Variants in MID1 observed in about 807,000 individuals in gnomAD.
MID1 encodes the protein E3 ubiquitin-protein ligase Midline-1.
Under a neutral mutation model 40.4 loss-of-function variants are expected in MID1, and 7 were observed. The observed-to-expected ratio is 0.17, with a 90% confidence interval of 0.10 to 0.33. The LOEUF (loss-of-function observed/expected upper bound fraction) is 0.33. MID1 is among the 10% of genes least tolerant of loss of function. The probability of loss-of-function intolerance (pLI) is 1.00; values close to 1 mark genes in which losing one functional copy is unlikely to be tolerated. For synonymous variants in MID1, 229 were observed against 221.2 expected (o/e 1.04, Z -0.31); for missense variants, 367 against 558.5 (o/e 0.66, Z 3.46).
intron 4 of MID1, among the ~76,000 whole-genome samples, chrX:10,491,542 C>T (rs1264866235): frequency 9.0e-6 from 1 of 110,917 alleles, no homozygotes; most frequent in East Asian, 2.8e-4. Flanking sequence ...AGCTACCATG[C>T]CCAGCCTCTT....
intron 1 of MID1, among the ~76,000 whole-genome samples, chrX:10,584,044 G>T (rs1245722029): frequency 9.3e-6 from 1 of 107,649 alleles, no homozygotes; most frequent in African/African-American, 3.4e-5. Flanking sequence ...AAAAAAAAAA[G>T]AAGAACAGAG....
At chrX:10,817,517 T>C (rs1853708302) in intron 1 of MID1, among the ~76,000 whole-genome samples, 1 of 36,493 alleles carries the variant, frequency 2.7e-5, no homozygotes, top group Non-Finnish European at 5.6e-5. Context: ...TTTTTTTCTC[T>C]TTCTTTCTTT....
intron 1 of MID1, among the ~76,000 whole-genome samples, chrX:10,599,653 T>TA (rs1935480234): frequency 8.9e-6 from 1 of 112,393 alleles, no homozygotes; most frequent in Admixed American, 9.4e-5. Context: ...TAGTAATACT[T>TA]AACTCATAGA....
chrX:10,576,633 G>C (rs1021332607), intron 1 of MID1, among the ~76,000 whole-genome samples: 9 of 111,477 alleles, frequency 8.1e-5, no homozygotes, highest in African/African-American at 2.9e-4. Flanking sequence ...TGTCCTAATA[G>C]TGCAGAAAAC....
chrX:10,577,408 G>A (rs1481742684), intron 1 of MID1, among the ~76,000 whole-genome samples: 1 of 111,408 alleles, frequency 9.0e-6, no homozygotes, highest in East Asian at 2.8e-4. Flanking sequence ...ACATTATTTT[G>A]TGCCTTTATC....
At chrX:10,773,516 C>A (rs928328426) in intron 1 of MID1, among the ~76,000 whole-genome samples, 1 of 112,415 alleles carries the variant, frequency 8.9e-6, no homozygotes, top group African/African-American at 3.2e-5. Context: ...AGCTTTCGTT[C>A]CACTGATACT....
intron 1 of MID1, among the ~76,000 whole-genome samples, chrX:10,811,231 C>T (rs764993942): frequency 2.7e-5 from 3 of 112,167 alleles, no homozygotes; most frequent in South Asian, 7.5e-4. Context: ...TTCTCCATGG[C>T]CAGTGGCATA....
intron 4 of MID1, among the ~76,000 whole-genome samples, chrX:10,494,466 T>C (rs1340286429): frequency 9.0e-6 from 1 of 111,128 alleles, no homozygotes; most frequent in African/African-American, 3.3e-5. Context: ...TTTTTAAAAA[T>C]CCATAGAAAA....
intron 1 of MID1, among the ~76,000 whole-genome samples, chrX:10,650,481 C>G (rs1936305982): frequency 9.0e-6 from 1 of 111,353 alleles, no homozygotes; most frequent in African/African-American, 3.3e-5. Context: ...CTGGTCCCTC[C>G]CCTGAGTTTT....
intron 1 of MID1, among the ~76,000 whole-genome samples, chrX:10,594,412 C>A (rs1051983064): frequency 9.0e-5 from 10 of 111,517 alleles, no homozygotes; most frequent in Non-Finnish European, 1.7e-4. Context: ...TTTCTAAGGA[C>A]CCCTCAAGGG....
chrX:10,715,046 A>G (rs1461001721), intron 1 of MID1, among the ~76,000 whole-genome samples: 2 of 112,613 alleles, frequency 1.8e-5, no homozygotes, highest in African/African-American at 6.5e-5. Flanking sequence ...TTCTCTTCTT[A>G]AAAATGAAGT....
intron 1 of MID1, among the ~76,000 whole-genome samples, chrX:10,610,709 C>T (rs942689028): frequency 2.7e-5 from 3 of 111,515 alleles, no homozygotes; most frequent in Non-Finnish European, 3.8e-5. Flanking sequence ...TTGGGAATGA[C>T]GATGTTTACA....
chrX:10,695,902 T>C (rs145939352), intron 1 of MID1, among the ~76,000 whole-genome samples: 13 of 111,845 alleles, frequency 1.2e-4, no homozygotes, highest in African/African-American at 4.2e-4. Flanking sequence ...TAGTAAATTT[T>C]TAAATATTGA....
intron 1 of MID1, among the ~76,000 whole-genome samples, chrX:10,650,643 T>A (rs1358650958): frequency 9.0e-6 from 1 of 111,219 alleles, no homozygotes; most frequent in African/African-American, 3.3e-5. Flanking sequence ...AATTTACTAA[T>A]CCCTAAAATC....
At chrX:10,788,539 A>G (rs1039272266) in intron 1 of MID1, among the ~76,000 whole-genome samples, 6 of 102,843 alleles carry the variant, frequency 5.8e-5, no homozygotes, top group Non-Finnish European at 9.9e-5. Context: ...AAAATAATAA[A>G]CCCACGTGGC....
chrX:10,675,444 G>C (rs2043016421), intron 1 of MID1, among the ~76,000 whole-genome samples: 1 of 110,994 alleles, frequency 9.0e-6, no homozygotes, highest in Admixed American at 9.6e-5. Flanking sequence ...TCAGCTATGA[G>C]GAAAGGCTTC....
rs2044015298 is a variant in MID1 at position 10,802,451 on chromosome X, A to G, written c.-187+31103T>C. On this transcript the variant is annotated intron_variant, in intron 1 of 10. Coordinates refer to the MID1 transcript ENST00000380785. ...AAAATGCTCCATCAGAGAAATGCAA[A>G]TCAAAACCACAATAAGATATCATCT... Among the ~76,000 whole-genome samples the G allele has an allele frequency of 2.7e-5, 3 of 111,965 alleles. No homozygotes were observed. In the Admixed American group the frequency reaches 2.8e-4, roughly 11 times the overall value.
At chrX:10,768,309 A>G (rs1165045765) in intron 1 of MID1, among the ~76,000 whole-genome samples, 1 of 111,981 alleles carries the variant, frequency 8.9e-6, no homozygotes, top group Non-Finnish European at 1.9e-5. Flanking sequence ...TTCTAAATAA[A>G]AAAAAAGAAC....
chrX:10,657,181 A>C (rs2042880410), intron 1 of MID1, among the ~76,000 whole-genome samples: 1 of 110,866 alleles, frequency 9.0e-6, no homozygotes, highest in Admixed American at 9.6e-5. Context: ...TATGTTTTCC[A>C]CTGGATCTCA....
Sources: allele counts gnomAD v4.1 joint callset (sites outside exome capture counted in the v4.1 genomes callset), GRCh38; gene constraint gnomAD v4.1.1; transcripts MANE v1.5; gene names NCBI Gene and HGNC (gene_info 2026-07-23, HGNC 2026-07-21).